Variants in MDGA2 observed in about 807,000 individuals in gnomAD.
The protein encoded by MDGA2 is MAM domain-containing glycosylphosphatidylinositol anchor protein 2.
MDGA2 carries 40 observed loss-of-function variants against 117.8 expected under a neutral mutation model. The observed-to-expected ratio is 0.34, with a 90% CI of 0.26 to 0.44. The LOEUF (loss-of-function observed/expected upper bound fraction) is 0.44. Among genes scored for constraint, MDGA2 ranks in the 20% least tolerant of loss-of-function variants. The probability of loss-of-function intolerance (pLI) is 1.00; values close to 1 mark genes in which losing one functional copy is unlikely to be tolerated. For missense variants in MDGA2, 1,123 were observed against 1,250.6 expected (o/e 0.90, Z 1.54); for synonymous variants, 452 against 439.0 (o/e 1.03, Z -0.37).
intron 1 of MDGA2, among the ~76,000 whole-genome samples, chr14:47,514,215 TG>T (rs1296599342): frequency 1.3e-5 from 2 of 152,242 alleles, no homozygotes; most frequent in African/African-American, 4.8e-5. Context: ...AAACTCCACT[TG>T]GCATATTTTT....
At chr14:47,079,982 C>T (rs187318571) in intron 6 of MDGA2, among the ~76,000 whole-genome samples, 4 of 152,166 alleles carry the variant, frequency 2.6e-5, no homozygotes, top group East Asian at 3.9e-4. Flanking sequence ...CCGCCCGCCT[C>T]GGCCTCCCAA....
intron 1 of MDGA2, among the ~76,000 whole-genome samples, chr14:47,654,455 T>C (rs949592616): frequency 2.0e-5 from 3 of 151,954 alleles, no homozygotes; most frequent in African/African-American, 7.3e-5. Flanking sequence ...GGCTAATAAC[T>C]AACGGTAAGT....
rs575224015 is a variant in MDGA2, at chr14:47,059,301, A to G, written c.1525+1948T>C. ...TCCATTCTATGGAGAAACCACATCT[A>G]TCTGTAGTTAAGTGGGTACTTTCCA... On this transcript the variant is annotated intron_variant, in intron 7 of 16. Coordinates refer to ENST00000399232, the MANE Select transcript of MDGA2 (RefSeq NM_001113498.3). 7.1e-6 allele frequency: 9 copies of G among 1,266,256 alleles called. No homozygotes were observed. In the African/African-American group the frequency reaches 1.4e-4, roughly 19 times the overall value. 78.4% of individuals were successfully genotyped at this position (1,266,256 alleles called of 1,614,324 possible). A position where few individuals can be genotyped will look rare whatever the true frequency, so the allele number is the denominator to read the frequency against.
chr14:47,626,258 TC>T (rs1390006123), intron 1 of MDGA2: 1 of 152,258 alleles, frequency 6.6e-6, no homozygotes, highest in Non-Finnish European at 1.5e-5. Context: ...TTAAAAACAG[TC>T]AATACTTGTC....
At chr14:47,619,116 T>TATGCAC (rs140667074) in intron 1 of MDGA2, among the ~76,000 whole-genome samples, 100 of 90,804 alleles carry the variant, frequency 1.1e-3, no homozygotes, top group Admixed American at 1.8e-3. Context: ...TCAGTTTAAT[T>TATGCAC]ACACACACAC....
intron 8 of MDGA2, among the ~76,000 whole-genome samples, chr14:47,028,782 A>C (rs1472375048): frequency 6.6e-6 from 1 of 152,178 alleles, no homozygotes; most frequent in East Asian, 1.9e-4. Context: ...ACAGAAAATA[A>C]GAAACAGAGC....
intron 1 of MDGA2, among the ~76,000 whole-genome samples, chr14:47,317,920 C>T (rs1330403366): frequency 2.0e-5 from 3 of 152,080 alleles, no homozygotes; most frequent in East Asian, 1.9e-4. Context: ...ATTGAATTCA[C>T]GTTCAACACC....
At chr14:47,148,768 CA>C (rs1204025291) in intron 3 of MDGA2, among the ~76,000 whole-genome samples, 1 of 152,164 alleles carries the variant, frequency 6.6e-6, no homozygotes, top group African/African-American at 2.4e-5. Context: ...TCAACGAGCT[CA>C]AAATCTGAAA....
intron 8 of MDGA2, among the ~76,000 whole-genome samples, chr14:47,002,707 C>A (rs924775392): frequency 6.6e-6 from 1 of 151,456 alleles, no homozygotes; most frequent in Non-Finnish European, 1.5e-5. Flanking sequence ...CCAGCCTAGG[C>A]AACAGAGCAA....
intron 2 of MDGA2, among the ~76,000 whole-genome samples, chr14:47,243,331 A>C (rs979961393): frequency 1.3e-5 from 2 of 151,694 alleles, no homozygotes; most frequent in African/African-American, 2.4e-5. Flanking sequence ...GGCTCTACCA[A>C]TCAGCAGGAT....
rs190220885 is a variant in MDGA2, at chr14:47,449,284, A to G, written c.281-147734T>C. On this transcript the variant is annotated intron_variant, in intron 1 of 16. Transcript: ENST00000399232. ...TATTATACCAACAAAAGCATATTTC[A>G]TATTTTAAATTCGAGTTGCTTATGG... Among the ~76,000 whole-genome samples, 13 of 152,284 alleles carry G rather than the reference A, an allele frequency of 8.5e-5. 1 individual carries two copies. In the East Asian group the frequency reaches 1.2e-3, roughly 14 times the overall value.
chr14:47,066,791 A>G (rs1890099686), intron 6 of MDGA2, among the ~76,000 whole-genome samples: 2 of 152,196 alleles, frequency 1.3e-5, no homozygotes, highest in South Asian at 4.1e-4. Flanking sequence ...AGTATTTGCT[A>G]AAACCTGTTT....
chr14:47,569,373 C>T (rs1313957083), intron 1 of MDGA2, among the ~76,000 whole-genome samples: 1 of 152,162 alleles, frequency 6.6e-6, no homozygotes, highest in African/African-American at 2.4e-5. Context: ...TGGCTTGCAC[C>T]AGTGCATGGC....
intron 6 of MDGA2, among the ~76,000 whole-genome samples, chr14:47,079,889 G>A (rs36015166): frequency 0.02 from 3,087 of 151,712 alleles, 108 homozygotes; most frequent in African/African-American, 0.07. Context: ...CCGCCACCAC[G>A]CCCGGCTAAT....
rs1311595029 is a variant in MDGA2, at chr14:47,042,323, TTTTTTGTG to T, written c.1526-7027_1526-7020del. Among the ~76,000 whole-genome samples, 3 of 132,608 alleles carry T rather than the reference TTTTTTGTG, an allele frequency of 2.3e-5. No individual in the cohort carries two copies. In the East Asian group the frequency reaches 7.9e-4, roughly 35 times the overall value. The allele number at this position is 132,608 out of a possible 152,430, so 87.0% of individuals were successfully genotyped here. ...TGAACCAAATCTATGTTTTTTTTTT[TTTTTTGTG>T]TGTGTGTGTGTGTGTATGCACACGC... On this transcript the variant is annotated intron_variant, in intron 7 of 16. Coordinates refer to ENST00000399232, the MANE Select transcript of MDGA2 (RefSeq NM_001113498.3).
intron 1 of MDGA2, among the ~76,000 whole-genome samples, chr14:47,622,106 A>G (rs755102770): frequency 7.2e-5 from 11 of 152,198 alleles, no homozygotes; most frequent in Non-Finnish European, 1.5e-4. Flanking sequence ...GAACAAAACT[A>G]TGTGTTTTAT....
chr14:47,258,575 T>C (rs1887697329), intron 2 of MDGA2, among the ~76,000 whole-genome samples: 1 of 152,002 alleles, frequency 6.6e-6, no homozygotes, highest in African/African-American at 2.4e-5. Context: ...ATCCAAACCA[T>C]AATCACATGG....
intron 1 of MDGA2, among the ~76,000 whole-genome samples, chr14:47,302,287 T>C (rs1404967990): frequency 3.3e-5 from 5 of 152,198 alleles, no homozygotes; most frequent in Admixed American, 6.5e-5. Context: ...TGGGGACAAC[T>C]ACATGGAAAC....
At chr14:47,571,028 G>A (rs1026996843) in intron 1 of MDGA2, among the ~76,000 whole-genome samples, 1 of 152,026 alleles carries the variant, frequency 6.6e-6, no homozygotes, top group East Asian at 1.9e-4. Context: ...CTAGTATCCA[G>A]AATCTACAAA....
Sources: allele counts gnomAD v4.1 joint callset (sites outside exome capture counted in the v4.1 genomes callset), GRCh38; gene constraint gnomAD v4.1.1; transcripts MANE v1.5; gene names NCBI Gene and HGNC (gene_info 2026-07-23, HGNC 2026-07-21).